Variants in PTPRM observed in about 807,000 individuals in gnomAD.
The protein encoded by PTPRM is receptor-type tyrosine-protein phosphatase mu.
In PTPRM, 47 loss-of-function variants were observed where a neutral mutation model predicts 186.7. The ratio of observed to expected loss-of-function variants is 0.25; its 90% CI spans 0.20 to 0.32. PTPRM has a LOEUF of 0.32. PTPRM is among the 10% of genes least tolerant of loss of function. The pLI, the probability that PTPRM is intolerant of heterozygous loss-of-function variation, is 1.00. For synonymous variants in PTPRM, 668 were observed against 674.9 expected, an observed-to-expected ratio of 0.99 and a Z score of 0.16; for missense variants, 1,494 against 1,865.0, an observed-to-expected ratio of 0.80 and a Z score of 3.66.
chr18:7,656,478 T>C (rs902785555), intron 1 of PTPRM, among the ~76,000 whole-genome samples: 4 of 152,066 alleles, frequency 2.6e-5, no homozygotes, highest in African/African-American at 9.7e-5. Flanking sequence ...GTTTCTGTTT[T>C]GCGGGGATGA....
chr18:7,987,389 T>G (rs1029924255), intron 7 of PTPRM, among the ~76,000 whole-genome samples: 26 of 152,330 alleles, frequency 1.7e-4, no homozygotes, highest in African/African-American at 6.3e-4. Context: ...TCTATAATTG[T>G]TTTTAAATTA....
At chr18:7,751,791 A>G (rs629562) in intron 1 of PTPRM, among the ~76,000 whole-genome samples, 72,061 of 152,134 alleles carry the variant, frequency 0.47, 18,900 homozygotes, top group East Asian at 0.97. Context: ...AAAGCCTTCA[A>G]CCTAGTCAGT....
chr18:8,001,314 G>A (rs941073763), intron 7 of PTPRM, among the ~76,000 whole-genome samples: 1 of 152,198 alleles, frequency 6.6e-6, no homozygotes. Flanking sequence ...AGGCCTGTAA[G>A]TGCTAGTGTC....
chr18:8,146,029 T>A lies in PTPRM; in HGVS notation c.2300+2250T>A, dbSNP rs1475153706. ...GACTTTTTATTTCTTTCTTTTCTTTTTTTTTTTTTTTTTTGAGATGGAGTT... is the reference window on the plus strand; with the variant it reads ...GACTTTTTATTTCTTTCTTTTCTTTATTTTTTTTTTTTTTGAGATGGAGTT... On this transcript the variant is annotated intron_variant, in intron 14 of 32. Transcript: ENST00000580170. Among the ~76,000 whole-genome samples the A allele has an allele frequency of 3.9e-3, 576 of 148,100 alleles. 2 individuals carry two copies. Among genetic ancestry groups the A allele is most frequent in the African/African-American group, 6.8e-3 (278 of 40,952 alleles).
chr18:7,594,743 G>T (rs2037213485), intron 1 of PTPRM, among the ~76,000 whole-genome samples: 1 of 151,738 alleles, frequency 6.6e-6, no homozygotes, highest in Admixed American at 6.6e-5. Context: ...CAATTTTCTT[G>T]TCAATATGGC....
At chr18:8,235,539 A>AT (rs1265449474) in intron 14 of PTPRM, among the ~76,000 whole-genome samples, 19 of 123,996 alleles carry the variant, frequency 1.5e-4, no homozygotes. Context: ...AGTTTTGTTA[A>AT]TTTTTTTCTA....
intron 2 of PTPRM, among the ~76,000 whole-genome samples, chr18:7,864,814 T>G (rs1475762435): frequency 1.3e-5 from 2 of 152,230 alleles, no homozygotes; most frequent in Non-Finnish European, 2.9e-5. Context: ...TGATATTGAT[T>G]CTTCTTATCC....
intron 1 of PTPRM, among the ~76,000 whole-genome samples, chr18:7,633,791 C>T (rs1395114877): frequency 6.6e-6 from 1 of 152,170 alleles, no homozygotes; most frequent in Non-Finnish European, 1.5e-5. Flanking sequence ...TCCTGTTTCT[C>T]TCATGCCTAC....
At chr18:8,124,790 C>G (rs1337829073) in intron 13 of PTPRM, among the ~76,000 whole-genome samples, 1 of 152,142 alleles carries the variant, frequency 6.6e-6, no homozygotes, top group African/African-American at 2.4e-5. Flanking sequence ...AATCCTGTCC[C>G]TTCCAGAAGC....
chr18:8,119,838 A>G (rs905331229), intron 13 of PTPRM, among the ~76,000 whole-genome samples: 4 of 152,092 alleles, frequency 2.6e-5, no homozygotes, highest in Non-Finnish European at 5.9e-5. Context: ...TCAGCACCAG[A>G]TATTGTCTTC....
intron 11 of PTPRM, 83 bp from the exon 12 acceptor site, chr18:8,113,403 T>C: frequency 7.9e-7 from 1 of 1,268,032 alleles, no homozygotes; most frequent in East Asian, 2.3e-5. Context: ...ATTTTGCGTG[T>C]CCTGTGGGTC....
At chr18:8,349,041 A>G (rs1001962159) in intron 23 of PTPRM, among the ~76,000 whole-genome samples, 4 of 152,188 alleles carry the variant, frequency 2.6e-5, no homozygotes, top group African/African-American at 9.7e-5. Flanking sequence ...ACTTGTCACT[A>G]AAAGAGTCAT....
At chr18:8,267,540 T>A (rs2094716849) in intron 19 of PTPRM, among the ~76,000 whole-genome samples, 1 of 152,190 alleles carries the variant, frequency 6.6e-6, no homozygotes, top group East Asian at 1.9e-4. Flanking sequence ...CATATCTTAT[T>A]TTTACACTTA....
chr18:7,728,775 C>G (rs1365467338), intron 1 of PTPRM, among the ~76,000 whole-genome samples: 3 of 152,168 alleles, frequency 2.0e-5, no homozygotes, highest in Non-Finnish European at 1.5e-5. Flanking sequence ...CAGCATTTCT[C>G]TATTATAATT....
At chr18:7,687,262 AAAGGATT>A (rs2039624097) in intron 1 of PTPRM, among the ~76,000 whole-genome samples, 1 of 152,196 alleles carries the variant, frequency 6.6e-6, no homozygotes, top group Non-Finnish European at 1.5e-5. Context: ...TTCACAGCAA[AAAGGATT>A]TTGTTGTGAA....
chr18:8,211,017 G>A (rs2093996510), intron 14 of PTPRM, among the ~76,000 whole-genome samples: 1 of 152,198 alleles, frequency 6.6e-6, no homozygotes, highest in Non-Finnish European at 1.5e-5. Flanking sequence ...ATTGGATTTA[G>A]CAACATGGAG....
intron 1 of PTPRM, among the ~76,000 whole-genome samples, chr18:7,758,083 A>C (rs570787743): frequency 6.6e-6 from 1 of 152,124 alleles, no homozygotes; most frequent in Non-Finnish European, 1.5e-5. Flanking sequence ...TAAATCTAGA[A>C]CGGGACTCAA....
At chr18:8,389,927 A>T (rs1469576604) in intron 31 of PTPRM, among the ~76,000 whole-genome samples, 2 of 152,210 alleles carry the variant, frequency 1.3e-5, no homozygotes, top group Admixed American at 1.3e-4. Context: ...AGGTAGGCAA[A>T]TAGAGAGTGT....
At chr18:8,146,402 C>T (rs1171552184) in intron 14 of PTPRM, among the ~76,000 whole-genome samples, 3 of 151,994 alleles carry the variant, frequency 2.0e-5, no homozygotes, top group Non-Finnish European at 4.4e-5. Flanking sequence ...CTCTAACGAC[C>T]GGTGATGATA....
Sources: gnomAD v4.1 joint callset for allele counts (sites outside exome capture counted in the v4.1 genomes callset) on GRCh38, gnomAD v4.1.1 for gene constraint, MANE v1.5 for transcripts, NCBI Gene and HGNC (gene_info 2026-07-23, HGNC 2026-07-21) for gene names.